The following ARID2 variants were observed in gnomAD, a reference collection of about 807,000 sequenced individuals.
The protein encoded by ARID2 is AT-rich interaction domain 2.
A neutral mutation model predicts 184.6 loss-of-function variants in ARID2; 32 were observed. The observed-to-expected ratio is 0.17, with a 90% confidence interval of 0.13 to 0.23. The LOEUF (loss-of-function observed/expected upper bound fraction) is 0.23, where lower values mean the gene tolerates loss of function less well. Ranked by LOEUF, ARID2 falls within the 10% of genes least tolerant of loss-of-function variation. ARID2 has a pLI of 1.00. For synonymous variants in ARID2, 836 were observed against 772.6 expected (o/e 1.08, Z -1.36); for missense variants, 1,696 against 2,197.6 (o/e 0.77, Z 4.56).
intron 3 of ARID2, among the ~76,000 whole-genome samples, chr12:45,784,990 C>T (rs1170585889): frequency 6.6e-6 from 1 of 152,136 alleles, no homozygotes; most frequent in Admixed American, 6.5e-5. Context: ...TACTTGGAGC[C>T]TTTATCTTTC....
At chr12:45,844,019 AC>A (rs1358354284) in intron 11 of ARID2, among the ~76,000 whole-genome samples, 16 of 152,110 alleles carry the variant, frequency 1.1e-4, no homozygotes, top group Admixed American at 9.8e-4. Context: ...CACCTTCTAT[AC>A]TTTTTCTTTC....
At chr12:45,849,528 G>A (rs2138155956) in intron 13 of ARID2, 52 bp from the exon 14 acceptor site, 1 of 1,422,862 alleles carries the variant, frequency 7.0e-7, no homozygotes, top group South Asian at 1.3e-5. Context: ...CATAATGTTA[G>A]AAGTCAATGT....
At chr12:45,875,038 G>A (rs573912265) in intron 16 of ARID2, among the ~76,000 whole-genome samples, 12 of 152,288 alleles carry the variant, frequency 7.9e-5, no homozygotes, top group Admixed American at 4.6e-4. Flanking sequence ...TGGAAGGATC[G>A]CTTGAGCCCA....
At chr12:45,744,409 T>C (rs1004115529) in intron 3 of ARID2, among the ~76,000 whole-genome samples, 1 of 152,174 alleles carries the variant, frequency 6.6e-6, no homozygotes, top group Admixed American at 6.5e-5. Flanking sequence ...ATAGGTATTA[T>C]CTATATTTAA....
intron 5 of ARID2, among the ~76,000 whole-genome samples, chr12:45,819,501 A>G (rs1394699633): frequency 6.6e-6 from 1 of 152,170 alleles, no homozygotes; most frequent in Non-Finnish European, 1.5e-5. Flanking sequence ...GGTTGTAGAC[A>G]TATTTTATTT....
chr12:45,758,122 C>T (rs1267973265), intron 3 of ARID2, among the ~76,000 whole-genome samples: 1 of 152,046 alleles, frequency 6.6e-6, no homozygotes, highest in Non-Finnish European at 1.5e-5. Context: ...TACAGTTTCT[C>T]GACATATTAC....
At chr12:45,823,717 C>A (rs567838006) in intron 6 of ARID2, among the ~76,000 whole-genome samples, 28 of 152,180 alleles carry the variant, frequency 1.8e-4, no homozygotes, top group African/African-American at 6.5e-4. Flanking sequence ...TGGACACATA[C>A]AACCCATCAA....
chr12:45,849,346 T>C (rs1175323673), intron 13 of ARID2, among the ~76,000 whole-genome samples: 1 of 152,192 alleles, frequency 6.6e-6, no homozygotes, highest in Non-Finnish European at 1.5e-5. Flanking sequence ...TTATTAGTTA[T>C]ATGTGGGTGG....
intron 4 of ARID2, among the ~76,000 whole-genome samples, chr12:45,813,091 T>A (rs1942740494): frequency 6.6e-6 from 1 of 152,206 alleles, no homozygotes; most frequent in African/African-American, 2.4e-5. Flanking sequence ...CTTAACCTGT[T>A]GTTAAAACAA....
At chr12:45,837,292 C>T (rs766817097) in intron 8 of ARID2, 29 bp from the exon 9 acceptor site, 2 of 1,525,088 alleles carry the variant, frequency 1.3e-6, no homozygotes, top group East Asian at 2.3e-5. Context: ...AGAAGCATAG[C>T]TCAATAATAG....
At chr12:45,867,928 G>A (rs1374458671) in intron 16 of ARID2, among the ~76,000 whole-genome samples, 1 of 151,934 alleles carries the variant, frequency 6.6e-6, no homozygotes, top group East Asian at 1.9e-4. Flanking sequence ...ATAATAACAT[G>A]TGTCCACCAT....
rs1233164763 is a variant in ARID2, at chr12:45,849,650, G to C, written c.1786G>C (p.Val596Leu). 1 of 1,613,780 alleles carries C rather than the reference G, an allele frequency of 6.2e-7. No individual in the cohort carries two copies. Residue 596 changes from valine (V) to leucine (L), a missense_variant, in exon 14 of 21, where the codon GTG becomes CTG. Transcript: ENST00000334344. ...SSSNGQAHIH[V>L]VGVKRRAIPL... is the part of the protein sequence containing the mutation. ...TAGCAATGGGCAGGCACATATTCAT[G>C]TGGTAGGAGTAAAACGGAGGGCTAT...
chr12:45,874,969 A>T (rs1341924852), intron 16 of ARID2, among the ~76,000 whole-genome samples: 1 of 152,132 alleles, frequency 6.6e-6, no homozygotes, highest in Non-Finnish European at 1.5e-5. Flanking sequence ...CAAAAAAAAT[A>T]AAAAATAGGT....
At chr12:45,869,610 T>A (rs1428078730) in intron 16 of ARID2, among the ~76,000 whole-genome samples, 1 of 152,080 alleles carries the variant, frequency 6.6e-6, no homozygotes, top group African/African-American at 2.4e-5. Context: ...AGGCCAGGTG[T>A]CGTGGCTCAT....
At chr12:45,861,935 C>G (rs750354019) in intron 16 of ARID2, among the ~76,000 whole-genome samples, 1 of 152,136 alleles carries the variant, frequency 6.6e-6, no homozygotes, top group Non-Finnish European at 1.5e-5. Context: ...CCATTTCACT[C>G]TTCATAATTA....
At chr12:45,802,867 T>C (rs1356393684) in intron 3 of ARID2, among the ~76,000 whole-genome samples, 1 of 152,214 alleles carries the variant, frequency 6.6e-6, no homozygotes, top group Admixed American at 6.5e-5. Context: ...GACTTTCAAC[T>C]TCTTTGCCAC....
chr12:45,859,748 C>A (rs577977626), intron 15 of ARID2, among the ~76,000 whole-genome samples: 1 of 152,102 alleles, frequency 6.6e-6, no homozygotes, highest in South Asian at 2.1e-4. Context: ...ATTATTTTTT[C>A]TTTTGAGACA....
rs11333868 is a variant in ARID2, at chr12:45,738,779, CTTTTTTTTTTTTTTT to C, written c.284+7485_284+7499del. On this transcript the variant is annotated intron_variant, in intron 3 of 20. Coordinates refer to ENST00000334344, the MANE Select transcript of ARID2 (RefSeq NM_152641.4). ...TTTTCTTCCTGGGGCATATGGGCTA[CTTTTTTTTTTTTTTT>C]TTTTTTTTTTTTTTTTTTTAAGGCT... 1.8e-3 allele frequency among the ~76,000 whole-genome samples: 110 copies of C among 62,302 alleles called. 1 individual carries two copies. Among genetic ancestry groups the C allele is most frequent in the East Asian group, 1.1e-3 (1 of 880 alleles). 40.9% of individuals were successfully genotyped at this position (62,302 alleles called of 152,430 possible). A position where few individuals can be genotyped will look rare whatever the true frequency, so the allele number is the denominator to read the frequency against.
intron 18 of ARID2, among the ~76,000 whole-genome samples, chr12:45,892,374 T>C (rs112861589): frequency 1.1e-4 from 16 of 152,206 alleles, no homozygotes; most frequent in African/African-American, 3.6e-4. Flanking sequence ...ACAGATGATA[T>C]ATGAGAAATG....
Sources: allele counts gnomAD v4.1 joint callset (sites outside exome capture counted in the v4.1 genomes callset), GRCh38; gene constraint gnomAD v4.1.1; transcripts MANE v1.5; gene names NCBI Gene and HGNC (gene_info 2026-07-23, HGNC 2026-07-21).